MROH7: variants seen among roughly 807,000 people sequenced by gnomAD.
MROH7 encodes maestro heat-like repeat-containing protein family member 7.
In MROH7, 113 loss-of-function variants were observed where a neutral mutation model predicts 129.2. The ratio of observed to expected loss-of-function variants is 0.87; its 90% CI spans 0.75 to 1.02. The LOEUF (loss-of-function observed/expected upper bound fraction) is 1.02. Among genes scored for constraint, MROH7 ranks in the 50% least tolerant of loss-of-function variants. The probability of loss-of-function intolerance (pLI) is 0.00; values close to 1 mark genes in which losing one functional copy is unlikely to be tolerated. For missense variants in MROH7, 1,601 were observed against 1,671.3 expected (o/e 0.96, Z 0.73); for synonymous variants, 655 against 667.9 (o/e 0.98, Z 0.30).
chr1:54,709,513 T>C (rs1645590150), intron 23 of MROH7, among the ~76,000 whole-genome samples: 1 of 152,144 alleles, frequency 6.6e-6, no homozygotes, highest in South Asian at 2.1e-4. Flanking sequence ...CCACTGCGCC[T>C]GGCCAATTTT....
Position 54,682,646 on chromosome 1 carries a change from G to C in MROH7, c.2382-10G>C. Reference sequence around the variant, plus strand: ...GCCACCACTAATTGCCCACATCCCTGACCTCTCAGCAATGGAGCAGAGATG... The same window carrying C: ...GCCACCACTAATTGCCCACATCCCTCACCTCTCAGCAATGGAGCAGAGATG... On this transcript the variant is annotated splice_polypyrimidine_tract_variant and intron_variant, in intron 13 of 23. Coordinates refer to ENST00000421030, the MANE Select transcript of MROH7 (RefSeq NM_001039464.4). 6.2e-7 allele frequency: 1 copy of C among 1,611,066 alleles called. No homozygotes were observed. The highest frequency in any genetic ancestry group is 8.5e-7 in the Non-Finnish European group (1 of 1,178,514).
intron 19 of MROH7, 47 bp from the exon 20 acceptor site, chr1:54,702,043 T>TGGCG: frequency 6.8e-7 from 1 of 1,468,516 alleles, no homozygotes; most frequent in Non-Finnish European, 9.2e-7. Context: ...CCGCAGTGAG[T>TGGCG]GGCGTCCCAG....
In MROH7 at chr1:54,686,313, G is replaced by A. The variant is rs76724096; in HGVS notation, c.2576G>A (p.Arg859Lys). The change falls in exon 15 of 24, where the codon AGG (arginine) becomes AAG (lysine). Residue 859 changes from arginine to lysine, a missense_variant. Physicochemically the swap from Arg to Lys is conservative, Grantham distance 26 (BLOSUM62 2). Coordinates refer to ENST00000421030, the MANE Select transcript of MROH7 (RefSeq NM_001039464.4). ...LSVNSCMGRV[R>K]RIYPQLLLAL... The stretch of plus-strand genomic sequence containing the variant: ...GTCAACAGCTGCATGGGCCGTGTGA[G>A]GCGCATCTACCCTCAGCTGCTCCTG... 2.4e-4 allele frequency: 387 copies of A among 1,614,144 alleles called. 1 individual carries two copies. In the African/African-American group the frequency reaches 4.4e-3, roughly 18 times the overall value.
At chr1:54,652,244 C>A (rs572242819) in intron 2 of MROH7, among the ~76,000 whole-genome samples, 1 of 152,166 alleles carries the variant, frequency 6.6e-6, no homozygotes, top group Non-Finnish European at 1.5e-5. Context: ...AGGAGTTTGT[C>A]TCTGGTTTGG....
chr1:54,702,288 T>C, intron 20 of MROH7, 43 bp downstream of exon 20: 1 of 1,373,598 alleles, frequency 7.3e-7, no homozygotes, highest in South Asian at 1.7e-5. Context: ...CTCCCTCGGG[T>C]CCTGTGGGCG....
rs779805295 is a variant in MROH7 at position 54,653,261 on chromosome 1, T to A, written c.335T>A (p.Val112Asp). 1 of 1,614,162 alleles carries A rather than the reference T, an allele frequency of 6.2e-7. No homozygotes were observed. Among genetic ancestry groups the A allele is most frequent in the Non-Finnish European group, 8.5e-7 (1 of 1,180,032 alleles). The change falls in exon 3 of 24, where the codon GTC (valine) becomes GAC (aspartate). Residue 112 changes from valine to aspartate, a missense_variant. Coordinates refer to ENST00000421030, the MANE Select transcript of MROH7 (RefSeq NM_001039464.4). Reference sequence around the variant, plus strand: ...GCCCTGGACCTGGATTCCAAGGATGTCTCAAGGCCTGACTCACAGGGGCGC... The same window carrying A: ...GCCCTGGACCTGGATTCCAAGGATGACTCAAGGCCTGACTCACAGGGGCGC... ...GEALDLDSKD[V>D]SRPDSQGRLC...
At chr1:54,697,221 G>A (rs570855393) in intron 17 of MROH7, 180 of 158,390 alleles carry the variant, frequency 1.1e-3, no homozygotes, top group Non-Finnish European at 2.2e-3. Flanking sequence ...GCTTCCTGGA[G>A]GAGATGACAT....
chr1:54,642,163 C>CT (rs199602813), intron 1 of MROH7, among the ~76,000 whole-genome samples, 195 bp downstream of exon 1: 7,079 of 152,132 alleles, frequency 0.047, 224 homozygotes, highest in Middle Eastern at 0.11. Flanking sequence ...TTTTCCAAGT[C>CT]TCCCCAGCCT....
intron 7 of MROH7, among the ~76,000 whole-genome samples, chr1:54,671,826 G>A (rs1644908211): frequency 6.6e-6 from 1 of 152,040 alleles, no homozygotes; most frequent in African/African-American, 2.4e-5. Context: ...GGAGATGGAT[G>A]GTATCAAATA....
In MROH7 at chr1:54,679,679, G is replaced by A. The variant is rs527755015; in HGVS notation, c.2227-212G>A. Among the ~76,000 whole-genome samples, 8 of 152,254 alleles carry A rather than the reference G, an allele frequency of 5.3e-5. 1 individual carries two copies. The South Asian group carries it at 1.2e-3, about 24-fold the overall frequency. Reference sequence around the variant, plus strand: ...GGTGGTGGGTAGAGGTGGGTTTGGCGGTGGAAGCAGGTATAGGGAGCATAG... The same window carrying A: ...GGTGGTGGGTAGAGGTGGGTTTGGCAGTGGAAGCAGGTATAGGGAGCATAG... On this transcript the variant is annotated intron_variant, in intron 12 of 23. Transcript: ENST00000421030.
intron 4 of MROH7, among the ~76,000 whole-genome samples, chr1:54,668,584 A>G (rs1229264411): frequency 6.6e-6 from 1 of 152,120 alleles, no homozygotes; most frequent in Non-Finnish European, 1.5e-5. Flanking sequence ...TCCCCTCCTT[A>G]GCTGACTGGA....
Position 54,665,215 on chromosome 1 carries a change from C to G in MROH7, c.1280C>G (p.Thr427Arg). 6.2e-7 allele frequency: 1 copy of G among 1,613,846 alleles called. No homozygotes were observed. Among genetic ancestry groups the G allele is most frequent in the South Asian group, 1.1e-5 (1 of 91,056 alleles). ...TSCLVKVPEK[T>R]EGGNNMALVE... ...TGCCTGGTGAAGGTGCCAGAGAAGA[C>G]AGAAGGTGGCAACAACATGGCTCTG... The change falls in exon 4 of 24, where the codon ACA (threonine) becomes AGA (arginine). Residue 427 changes from threonine to arginine, a missense_variant. By Grantham distance (71) the Thr-to-Arg change is moderately conservative. Transcript: ENST00000421030.
chr1:54,656,549 G>A (rs552599932), intron 3 of MROH7, among the ~76,000 whole-genome samples: 2 of 149,984 alleles, frequency 1.3e-5, no homozygotes, highest in East Asian at 2.0e-4. Flanking sequence ...CAGGCTGGGC[G>A]CGGTGGCTCA....
intron 10 of MROH7, among the ~76,000 whole-genome samples, chr1:54,674,577 G>C (rs1317359715): frequency 2.0e-5 from 3 of 152,176 alleles, no homozygotes; most frequent in African/African-American, 7.2e-5. Flanking sequence ...TTGGCACATG[G>C]TGGGTGCTCA....
chr1:54,657,048 CT>C (rs35098878), intron 3 of MROH7, among the ~76,000 whole-genome samples: 1,717 of 132,416 alleles, frequency 0.013, 20 homozygotes, highest in African/African-American at 0.03. Flanking sequence ...TTCTCACCAT[CT>C]TTTTTTTTTT....
intron 3 of MROH7, among the ~76,000 whole-genome samples, chr1:54,658,941 G>A (rs1644688530): frequency 6.6e-6 from 1 of 152,206 alleles, no homozygotes; most frequent in African/African-American, 2.4e-5. Flanking sequence ...AATGTTCCAT[G>A]GGGGTTGGGG....
At chr1:54,660,552 G>T (rs1453055219) in intron 3 of MROH7, among the ~76,000 whole-genome samples, 1 of 152,130 alleles carries the variant, frequency 6.6e-6, no homozygotes, top group African/African-American at 2.4e-5. Context: ...AGTGGCTCAC[G>T]CCTGTAATCC....
chr1:54,676,553 G>A (rs777945785), intron 10 of MROH7, among the ~76,000 whole-genome samples: 15 of 152,078 alleles, frequency 9.9e-5, no homozygotes, highest in South Asian at 4.1e-4. Flanking sequence ...GGGACTACAG[G>A]TGGCTAATTT....
rs557174948 is a variant in MROH7 at position 54,670,701 on chromosome 1, C to T, written c.1470-99C>T. The T allele has an allele frequency of 9.4e-6, 14 of 1,494,316 alleles. No individual in the cohort carries two copies. The East Asian group carries it at 2.8e-4, about 30-fold the overall frequency. The allele number at this position is 1,494,316 out of a possible 1,614,324, so 92.6% of individuals were successfully genotyped here. On this transcript the variant is annotated intron_variant, in intron 6 of 23. Coordinates refer to ENST00000421030, the MANE Select transcript of MROH7 (RefSeq NM_001039464.4). Reference sequence around the variant, plus strand: ...CACCCCTCGCCCGGTGCCTTTTCCCCTCCCCTTGCCCAGTCCCTGTGCTCC... The same window carrying T: ...CACCCCTCGCCCGGTGCCTTTTCCCTTCCCCTTGCCCAGTCCCTGTGCTCC...
Sources: gnomAD v4.1 joint callset for allele counts (sites outside exome capture counted in the v4.1 genomes callset) on GRCh38, gnomAD v4.1.1 for gene constraint, MANE v1.5 for transcripts, NCBI Gene and HGNC (gene_info 2026-07-23, HGNC 2026-07-21) for gene names.